OR10J1: variants seen among roughly 807,000 people sequenced by gnomAD.
OR10J1 encodes olfactory receptor 10J1.
For missense variants in OR10J1, 474 were observed against 376.6 expected (o/e 1.26, Z -2.14); for synonymous variants, 202 against 143.8 (o/e 1.40, Z -2.89).
the OR10J1 span, among the ~76,000 whole-genome samples, chr1:159,399,353 C>T: frequency 6.6e-6 from 1 of 151,888 alleles, no homozygotes; most frequent in South Asian, 2.1e-4. Flanking sequence ...GGGCAGATCA[C>T]AAGGTCAGGA....
At position 159,440,048 on chromosome 1, in the gene OR10J1, T is replaced by G. The variant is rs201658172; in HGVS notation, c.257T>G (p.Val86Gly). ...CTCCCAAGAATGCTCTCCAGCCTCG[T>G]AGGTATGAGCCAGCCCATATCATTG... ...VILPRMLSSL[V>G]GMSQPISLAG... The change falls in exon 1 of 1, where the codon GTA becomes GGA. Residue 86 changes from valine (V) to glycine (G), a missense_variant. Physicochemically the swap from Val to Gly is moderately radical, Grantham distance 109. Transcript: ENST00000423932. The G allele has an allele frequency of 2.9e-5, 47 of 1,614,130 alleles. 1 individual carries two copies. The South Asian group carries it at 4.8e-4, about 17-fold the overall frequency.
upstream of OR10J1, among the ~76,000 whole-genome samples, chr1:159,434,640 C>T (rs560025653): frequency 6.6e-6 from 1 of 152,230 alleles, no homozygotes; most frequent in South Asian, 2.1e-4. Flanking sequence ...AACAGAGAGG[C>T]ATGCATTCCC....
At chr1:159,437,586 G>A (rs776668334), upstream of OR10J1, among the ~76,000 whole-genome samples, 2 of 152,190 alleles carry the variant, frequency 1.3e-5, no homozygotes, top group Non-Finnish European at 2.9e-5. Flanking sequence ...TTCCTCAAAT[G>A]TTATTTCAAC....
the OR10J1 span, among the ~76,000 whole-genome samples, chr1:159,419,510 A>G: frequency 1.3e-5 from 2 of 152,328 alleles, no homozygotes; most frequent in East Asian, 3.9e-4. Flanking sequence ...CCCCAGCCAC[A>G]TGGAACTGTG....
upstream of OR10J1, among the ~76,000 whole-genome samples, chr1:159,435,050 C>A (rs1655697470): frequency 6.6e-6 from 1 of 152,178 alleles, no homozygotes; most frequent in Non-Finnish European, 1.5e-5. Flanking sequence ...CTCCGAGGGT[C>A]TTCCAAGTAT....
chr1:159,427,605 A>G, the OR10J1 span, among the ~76,000 whole-genome samples: 4 of 152,034 alleles, frequency 2.6e-5, no homozygotes, highest in South Asian at 4.1e-4. Context: ...TAGAAAATGT[A>G]CTAGAATAAA....
chr1:159,435,243 C>T (rs1196102002), upstream of OR10J1, among the ~76,000 whole-genome samples: 3 of 152,120 alleles, frequency 2.0e-5, no homozygotes, highest in African/African-American at 7.2e-5. Context: ...TTTATTTATG[C>T]CCTCCTTACT....
the OR10J1 span, among the ~76,000 whole-genome samples, chr1:159,428,779 A>G: frequency 6.6e-6 from 1 of 152,150 alleles, no homozygotes; most frequent in Non-Finnish European, 1.5e-5. Flanking sequence ...GATTATGTGG[A>G]ATTGAACTGA....
chr1:159,397,995 G>A, the OR10J1 span, among the ~76,000 whole-genome samples: 1 of 152,208 alleles, frequency 6.6e-6, no homozygotes, highest in African/African-American at 2.4e-5. Context: ...TAGTGATGGT[G>A]GCCACAGGAG....
upstream of OR10J1, among the ~76,000 whole-genome samples, chr1:159,438,740 G>A (rs1655813609): frequency 6.6e-6 from 1 of 152,134 alleles, no homozygotes; most frequent in Admixed American, 6.5e-5. Flanking sequence ...TTCTCTTTCT[G>A]AATATGCATA....
chr1:159,400,029 C>T, the OR10J1 span, among the ~76,000 whole-genome samples: 3 of 150,116 alleles, frequency 2.0e-5, no homozygotes, highest in Non-Finnish European at 4.4e-5. Context: ...AATAGATACA[C>T]AAAAAATAAA....
chr1:159,407,692 G>A, the OR10J1 span, among the ~76,000 whole-genome samples: 1 of 152,064 alleles, frequency 6.6e-6, no homozygotes, highest in South Asian at 2.1e-4. Context: ...ATTTCTCTAT[G>A]AAATCAGTGA....
upstream of OR10J1, among the ~76,000 whole-genome samples, chr1:159,437,562 C>T (rs1247680513): frequency 1.3e-5 from 2 of 152,208 alleles, no homozygotes; most frequent in East Asian, 3.8e-4. Flanking sequence ...TAAAAATCAA[C>T]TAAATAAACC....
the OR10J1 span, among the ~76,000 whole-genome samples, chr1:159,431,383 G>T: frequency 6.6e-6 from 1 of 152,200 alleles, no homozygotes; most frequent in Non-Finnish European, 1.5e-5. Flanking sequence ...CCAGAGTCCT[G>T]GGACACAGGA....
At chr1:159,408,407 T>C in the OR10J1 span, among the ~76,000 whole-genome samples, 3 of 145,088 alleles carry the variant, frequency 2.1e-5, no homozygotes, top group African/African-American at 5.2e-5. Context: ...TAGGTGGGAA[T>C]TGAACAATGA....
At position 159,440,508 on chromosome 1, in the gene OR10J1, C is replaced by T. The variant is rs763134717; in HGVS notation, c.717C>T (p.Thr239=). Residue 239 remains threonine (T), a synonymous_variant, in exon 1 of 1, where the codon ACC becomes ACT. Coordinates refer to ENST00000423932, the MANE Select transcript of OR10J1 (RefSeq NM_012351.3). ...SVEGRKKAFA[T]CASHLTVVIV... ...AGGGCCGGAAGAAGGCTTTTGCCAC[C>T]TGTGCATCCCACCTCACTGTGGTCA... 1.2e-6 allele frequency: 2 copies of T among 1,614,100 alleles called. No individual in the cohort carries two copies. Among genetic ancestry groups the T allele is most frequent in the African/African-American group, 2.7e-5 (2 of 75,006 alleles).
At chr1:159,420,803 T>C in the OR10J1 span, among the ~76,000 whole-genome samples, 1 of 152,130 alleles carries the variant, frequency 6.6e-6, no homozygotes, top group Non-Finnish European at 1.5e-5. Flanking sequence ...AGTGACTAGA[T>C]GCTTTTCTCT....
At chr1:159,425,072 C>T in the OR10J1 span, among the ~76,000 whole-genome samples, 1 of 152,072 alleles carries the variant, frequency 6.6e-6, no homozygotes, top group African/African-American at 2.4e-5. Context: ...GAAACAATGC[C>T]TTCAAAATTG....
At chr1:159,421,974 G>A in the OR10J1 span, among the ~76,000 whole-genome samples, 1 of 152,172 alleles carries the variant, frequency 6.6e-6, no homozygotes, top group Non-Finnish European at 1.5e-5. Context: ...ATAGTGGCAG[G>A]ACAACCCTCT....
Sources: gnomAD v4.1 joint callset for allele counts (sites outside exome capture counted in the v4.1 genomes callset) on GRCh38, gnomAD v4.1.1 for gene constraint, MANE v1.5 for transcripts, NCBI Gene and HGNC (gene_info 2026-07-23, HGNC 2026-07-21) for gene names.